Variants in PXDNL observed in about 807,000 individuals in gnomAD.
PXDNL encodes probable oxidoreductase PXDNL.
PXDNL carries 145 observed loss-of-function variants against 150.8 expected under a neutral mutation model. The ratio of observed to expected loss-of-function variants is 0.96; its 90% CI spans 0.84 to 1.10. PXDNL has a LOEUF of 1.10. Among genes scored for constraint, PXDNL ranks in the 50% least tolerant of loss-of-function variants. The pLI is 0.00. For synonymous variants in PXDNL, 757 were observed against 725.7 expected, an observed-to-expected ratio of 1.04 and a Z score of -0.69; for missense variants, 2,087 against 1,873.9, an observed-to-expected ratio of 1.11 and a Z score of -2.10.
intron 1 of PXDNL, among the ~76,000 whole-genome samples, chr8:51,807,730 T>A (rs2037692873): frequency 6.6e-6 from 1 of 152,188 alleles, no homozygotes; most frequent in Non-Finnish European, 1.5e-5. Flanking sequence ...CTCATTACAT[T>A]TAGAGGTGTG....
chr8:51,349,175 GGGT>G (rs201752394), intron 19 of PXDNL, among the ~76,000 whole-genome samples: 5 of 149,856 alleles, frequency 3.3e-5, no homozygotes, highest in South Asian at 4.2e-4. Context: ...GTGTGTGTGG[GGGT>G]GTGTGTGTGT....
At chr8:51,741,887 G>A (rs2036909997) in intron 1 of PXDNL, among the ~76,000 whole-genome samples, 2 of 152,146 alleles carry the variant, frequency 1.3e-5, no homozygotes, top group Admixed American at 6.5e-5. Context: ...ACTCTATTTG[G>A]CGTTTGTACT....
intron 19 of PXDNL, among the ~76,000 whole-genome samples, chr8:51,358,508 T>C (rs78479780): frequency 0.017 from 2,632 of 152,280 alleles, 67 homozygotes; most frequent in African/African-American, 0.057. Context: ...TTCTGTGACC[T>C]TGAAAAACCA....
intron 14 of PXDNL, among the ~76,000 whole-genome samples, chr8:51,416,389 T>G (rs897854480): frequency 6.6e-6 from 1 of 152,240 alleles, no homozygotes; most frequent in African/African-American, 2.4e-5. Context: ...GTTTTTGCTT[T>G]TATTCTGTTT....
chr8:51,558,672 T>G (rs760528780), intron 3 of PXDNL, among the ~76,000 whole-genome samples: 1 of 152,104 alleles, frequency 6.6e-6, no homozygotes, highest in African/African-American at 2.4e-5. Context: ...CACTTTAGAC[T>G]GTTATATTGT....
intron 13 of PXDNL, among the ~76,000 whole-genome samples, chr8:51,424,582 T>C (rs1809043141): frequency 6.6e-6 from 1 of 152,074 alleles, no homozygotes; most frequent in Non-Finnish European, 1.5e-5. Context: ...CTACATTTTA[T>C]ATGAGCTATT....
chr8:51,780,958 C>T (rs1563319568), intron 1 of PXDNL, among the ~76,000 whole-genome samples: 2 of 149,162 alleles, frequency 1.3e-5, no homozygotes, highest in East Asian at 4.1e-4. Flanking sequence ...CTGCACCTGG[C>T]CTCTGGGGCC....
intron 4 of PXDNL, among the ~76,000 whole-genome samples, chr8:51,504,648 G>A (rs930229539): frequency 5.3e-5 from 8 of 152,280 alleles, no homozygotes; most frequent in African/African-American, 7.2e-5. Flanking sequence ...CTGCCCTAAC[G>A]AAACTCTAAG....
chr8:51,724,889 CT>C (rs560555619), intron 1 of PXDNL, among the ~76,000 whole-genome samples: 105 of 152,324 alleles, frequency 6.9e-4, no homozygotes, highest in African/African-American at 2.3e-3. Context: ...CCAGCTCTTC[CT>C]CCAGGAACTA....
intron 12 of PXDNL, among the ~76,000 whole-genome samples, chr8:51,445,137 C>T (rs143725948): frequency 0.014 from 2,061 of 152,190 alleles, 40 homozygotes; most frequent in African/African-American, 0.047. Flanking sequence ...CCAGGCTGGT[C>T]TCGAACACCT....
chr8:51,447,969 T>G (rs1809716394), intron 11 of PXDNL, among the ~76,000 whole-genome samples: 2 of 152,158 alleles, frequency 1.3e-5, no homozygotes, highest in African/African-American at 4.8e-5. Flanking sequence ...ACAGGTTTGC[T>G]CAAGGTCACA....
At chr8:51,378,310 G>C (rs1807411147) in intron 17 of PXDNL, among the ~76,000 whole-genome samples, 1 of 152,052 alleles carries the variant, frequency 6.6e-6, no homozygotes, top group African/African-American at 2.4e-5. Flanking sequence ...CTCAAGGTTT[G>C]TAAATGCACC....
At chr8:51,654,548 G>T in intron 2 of PXDNL, 141 bp downstream of exon 2, 1 of 644,578 alleles carries the variant, frequency 1.6e-6, no homozygotes, top group Non-Finnish European at 2.7e-6. Context: ...AGAAGCAGCA[G>T]AATTTTCCCA....
intron 1 of PXDNL, among the ~76,000 whole-genome samples, chr8:51,702,083 T>C (rs1816269374): frequency 6.6e-6 from 1 of 152,230 alleles, no homozygotes; most frequent in South Asian, 2.1e-4. Context: ...GGCTCACTTT[T>C]GAAACAACTT....
At chr8:51,474,432 T>A (rs529630668) in intron 7 of PXDNL, among the ~76,000 whole-genome samples, 1 of 152,348 alleles carries the variant, frequency 6.6e-6, no homozygotes, top group South Asian at 2.1e-4. Flanking sequence ...TATAACCATA[T>A]GCTTATTAAA....
At position 51,447,017 on chromosome 8, in the gene PXDNL, A is replaced by T; in HGVS notation, c.1512T>A (p.Thr504=). The change falls in exon 12 of 23, where the codon ACT becomes ACA. Residue 504 remains threonine (T), a synonymous_variant. Coordinates refer to ENST00000356297, the MANE Select transcript of PXDNL (RefSeq NM_144651.5). ...AGTATATATTACCTTTGGGTTTTACAGTCAGCTGCACAGACACCTTTTTCA... is the reference window on the plus strand; with the variant it reads ...AGTATATATTACCTTTGGGTTTTACTGTCAGCTGCACAGACACCTTTTTCA... ...LGVKKVSVQL[T]VKPKALAVFT... The T allele has an allele frequency of 6.2e-7, 1 of 1,613,970 alleles. No homozygotes were observed. The highest frequency in any genetic ancestry group is 8.5e-7 in the Non-Finnish European group (1 of 1,179,876).
intron 1 of PXDNL, among the ~76,000 whole-genome samples, chr8:51,699,737 G>A (rs1037512543): frequency 2.0e-5 from 3 of 152,050 alleles, no homozygotes; most frequent in African/African-American, 7.2e-5. Flanking sequence ...GAGCACTTAT[G>A]GGCCATTGTA....
intron 2 of PXDNL, among the ~76,000 whole-genome samples, chr8:51,649,932 T>C (rs192630993): frequency 6.6e-6 from 1 of 151,806 alleles, no homozygotes; most frequent in Non-Finnish European, 1.5e-5. Flanking sequence ...TAAAACCTCA[T>C]CTCTACTAAA....
At chr8:51,479,337 T>C (rs1296995899) in intron 6 of PXDNL, among the ~76,000 whole-genome samples, 2 of 152,156 alleles carry the variant, frequency 1.3e-5, no homozygotes, top group Non-Finnish European at 2.9e-5. Context: ...ACTCTAACCA[T>C]AACTGATGTA....
Sources: allele counts gnomAD v4.1 joint callset (sites outside exome capture counted in the v4.1 genomes callset), GRCh38; gene constraint gnomAD v4.1.1; transcripts MANE v1.5; gene names NCBI Gene and HGNC (gene_info 2026-07-23, HGNC 2026-07-21).